A1CF: variants seen among roughly 807,000 people sequenced by gnomAD.
A1CF encodes APOBEC1 complementation factor, also known as APOBEC-1 stimulating protein.
A neutral mutation model predicts 68.9 loss-of-function variants in A1CF; 48 were observed. The observed-to-expected ratio is 0.70, with a 90% CI of 0.55 to 0.89. The LOEUF is 0.89. A1CF is among the 40% of genes least tolerant of loss of function. A1CF has a pLI of 0.00. For missense variants in A1CF, 653 were observed against 718.9 expected, an observed-to-expected ratio of 0.91 and a Z score of 1.05; for synonymous variants, 272 against 260.4, an observed-to-expected ratio of 1.04 and a Z score of -0.43.
intron 10 of A1CF, among the ~76,000 whole-genome samples, chr10:50,813,590 T>C (rs559490619): frequency 6.6e-6 from 1 of 152,348 alleles, no homozygotes; most frequent in African/African-American, 2.4e-5. Context: ...TAATTCTTAA[T>C]AGCTCTCAGA....
At chr10:50,828,354 A>G (rs1839071528) in intron 6 of A1CF, 59 bp from the exon 7 acceptor site, 2 of 1,332,148 alleles carry the variant, frequency 1.5e-6, no homozygotes, top group Non-Finnish European at 2.0e-6. Context: ...ACATCATCTC[A>G]ATTTATACCA....
chr10:50,842,933 T>G (rs943054208), intron 4 of A1CF, among the ~76,000 whole-genome samples: 1 of 152,190 alleles, frequency 6.6e-6, no homozygotes, highest in South Asian at 2.1e-4. Context: ...CTGGCTATAG[T>G]GACTCTACTT....
intron 3 of A1CF, 142 bp from the exon 4 acceptor site, chr10:50,844,264 GA>G: frequency 8.1e-7 from 1 of 1,228,982 alleles, no homozygotes; most frequent in Non-Finnish European, 1.1e-6. Context: ...GGTTAAAGGA[GA>G]AAAATTAAAG....
chr10:50,872,801 C>T (rs1241480607), intron 1 of A1CF, among the ~76,000 whole-genome samples: 1 of 151,994 alleles, frequency 6.6e-6, no homozygotes, highest in East Asian at 1.9e-4. Flanking sequence ...TCCAAATGGA[C>T]CCAGCTGTCT....
rs149128118 is a variant in A1CF at position 50,835,988 on chromosome 10, CA to C, written c.604+85del. The C allele has an allele frequency of 0.011, 14,395 of 1,288,072 alleles. 1,091 individuals are homozygous for C. In the African/African-American group the frequency reaches 0.17, roughly 16 times the overall value. The allele number at this position is 1,288,072 out of a possible 1,614,324, so 79.8% of individuals were successfully genotyped here. On this transcript the variant is annotated intron_variant, in intron 6 of 12. Transcript: ENST00000373997. ...AAAATACAGCGTAATGAAAGATAGC[CA>C]AAAAAAATTAAAAATGCTTATTTTC...
At chr10:50,828,879 C>A (rs1288997839) in intron 6 of A1CF, among the ~76,000 whole-genome samples, 2 of 152,198 alleles carry the variant, frequency 1.3e-5, no homozygotes, top group East Asian at 3.9e-4. Flanking sequence ...CCCTCTTAAT[C>A]CTCTTTCACA....
intron 1 of A1CF, among the ~76,000 whole-genome samples, chr10:50,882,502 T>C (rs944303855): frequency 1.3e-5 from 2 of 151,934 alleles, no homozygotes; most frequent in South Asian, 4.2e-4. Context: ...TGAAATGAAA[T>C]GATGAACTAG....
intron 12 of A1CF, 65 bp downstream of exon 12, chr10:50,809,829 G>T: frequency 6.3e-7 from 1 of 1,593,784 alleles, no homozygotes; most frequent in African/African-American, 1.3e-5. Context: ...TGATTCAATG[G>T]TACCAAAAAA....
Position 50,805,698 on chromosome 10 carries a change from G to A in A1CF, c.*1031C>T, listed in dbSNP as rs563983021. ...AAATAAATGGGTTAGATAATGCAAA[G>A]CTAATCCCAAGTTAATATAAGCATC... On this transcript the variant is annotated 3_prime_UTR_variant, in exon 13 of 13. Coordinates refer to ENST00000373997, the MANE Select transcript of A1CF (RefSeq NM_014576.4). The A allele has an allele frequency of 4.6e-5, 7 of 152,298 alleles. No individual in the cohort carries two copies. The East Asian group carries it at 1.4e-3, about 29-fold the overall frequency. 9.4% of individuals were successfully genotyped at this position (152,298 alleles called of 1,614,324 possible). A position where few individuals can be genotyped will look rare whatever the true frequency, so the allele number is the denominator to read the frequency against.
chr10:50,802,202 G>C lies in A1CF; in HGVS notation c.*4527C>G, dbSNP rs892379711. ...TCTAATGTTGGCAAACACAAACATA[G>C]AGCCTGGTAGATACATTACACTTTC... is the stretch of plus-strand genomic sequence containing the variant. On this transcript the variant is annotated 3_prime_UTR_variant, in exon 13 of 13. Transcript: ENST00000373997. The C allele has an allele frequency of 2.6e-5, 4 of 152,136 alleles. No individual in the cohort carries two copies. The highest frequency in any genetic ancestry group is 4.4e-5 in the Non-Finnish European group (3 of 68,014). 9.4% of individuals were successfully genotyped at this position (152,136 alleles called of 1,614,324 possible).
intron 5 of A1CF, 81 bp downstream of exon 5, chr10:50,841,781 C>T (rs1839789406): frequency 1.3e-6 from 2 of 1,540,350 alleles, no homozygotes; most frequent in East Asian, 2.3e-5. Context: ...TTGGCATACA[C>T]CATATTAGAT....
intron 7 of A1CF, among the ~76,000 whole-genome samples, chr10:50,825,177 G>A (rs1400382972): frequency 6.6e-6 from 1 of 152,146 alleles, no homozygotes; most frequent in East Asian, 1.9e-4. Flanking sequence ...AACAGACGAT[G>A]TGAGTATGTG....
chr10:50,852,205 T>C (rs1279841281), intron 3 of A1CF, among the ~76,000 whole-genome samples: 4 of 152,242 alleles, frequency 2.6e-5, no homozygotes, highest in Non-Finnish European at 5.9e-5. Flanking sequence ...TTTATGAAGA[T>C]TTTGAATCTT....
chr10:50,863,999 C>G (rs1256209004), intron 2 of A1CF, 34 bp downstream of exon 2: 1 of 151,900 alleles, frequency 6.6e-6, no homozygotes, highest in Non-Finnish European at 1.5e-5. Context: ...CTAATATATG[C>G]CAATACACAG....
rs1466125056 is a variant in A1CF, at chr10:50,800,303, C to T, written c.*6426G>A. Reference sequence around the variant, plus strand: ...TTTTTGCATAGTCCTTTATATTTCTCCTGGGGGAAATATTTGAAAACTCAT... The same window carrying T: ...TTTTTGCATAGTCCTTTATATTTCTTCTGGGGGAAATATTTGAAAACTCAT... On this transcript the variant is annotated 3_prime_UTR_variant, in exon 13 of 13. Transcript: ENST00000373997. 1 of 151,954 alleles carries T rather than the reference C, an allele frequency of 6.6e-6. No homozygotes were observed. The highest frequency in any genetic ancestry group is 1.5e-5 in the Non-Finnish European group (1 of 67,974). 9.4% of individuals were successfully genotyped at this position (151,954 alleles called of 1,614,324 possible). A position where few individuals can be genotyped will look rare whatever the true frequency, so the allele number is the denominator to read the frequency against.
chr10:50,812,168 G>A (rs572225284), intron 10 of A1CF, among the ~76,000 whole-genome samples: 17 of 152,274 alleles, frequency 1.1e-4, no homozygotes, highest in African/African-American at 4.1e-4. Context: ...CAGTTCTTGG[G>A]CAATAATAAA....
Position 50,806,838 on chromosome 10 carries a change from T to G in A1CF, c.1652A>C (p.Gln551Pro). Residue 551 changes from glutamine to proline, a missense_variant, in exon 13 of 13, where the codon CAG (glutamine) becomes CCG (proline). By Grantham distance (76) the Gln-to-Pro change is moderately conservative. Transcript: ENST00000373997. ...TCCAAGGGTTACCGCTTGCTTGAGC[T>G]GGGCTGCAGACACGGGTGCAGTTGC... ...PNATAPVSAA[Q>P]LKQAVTLGQD... The G allele has an allele frequency of 6.2e-7, 1 of 1,613,624 alleles. No individual in the cohort carries two copies. The highest frequency in any genetic ancestry group is 1.1e-5 in the South Asian group (1 of 91,036).
chr10:50,830,271 G>A (rs1839175438), intron 6 of A1CF, among the ~76,000 whole-genome samples: 1 of 152,076 alleles, frequency 6.6e-6, no homozygotes, highest in Non-Finnish European at 1.5e-5. Flanking sequence ...GTGAGATTAT[G>A]CAATATTTGT....
chr10:50,854,070 AT>A (rs1376819948), intron 3 of A1CF, among the ~76,000 whole-genome samples: 4 of 151,790 alleles, frequency 2.6e-5, no homozygotes, highest in African/African-American at 9.7e-5. Flanking sequence ...TTTTTCCATG[AT>A]TTTTTTCTTT....
Sources: gnomAD v4.1 joint callset for allele counts (sites outside exome capture counted in the v4.1 genomes callset) on GRCh38, gnomAD v4.1.1 for gene constraint, MANE v1.5 for transcripts, NCBI Gene and HGNC (gene_info 2026-07-23, HGNC 2026-07-21) for gene names.